The following SHC3 variants were observed in gnomAD, a reference collection of about 807,000 sequenced individuals.
SHC3 encodes SHC-transforming protein 3.
Under a neutral mutation model 60.4 loss-of-function variants are expected in SHC3, and 15 were observed. The observed-to-expected ratio is 0.25, with a 90% confidence interval of 0.17 to 0.38. SHC3 has a LOEUF of 0.38. SHC3 is among the 10% of genes least tolerant of loss of function. SHC3 has a pLI of 1.00. For synonymous variants in SHC3, 294 were observed against 325.9 expected, an observed-to-expected ratio of 0.90 and a Z score of 1.05; for missense variants, 677 against 786.1, an observed-to-expected ratio of 0.86 and a Z score of 1.66.
rs543489813 is a variant in SHC3, at chr9:89,037,307, T to C, written c.1656+686A>G. ...TATTAAATAACTCTACCCTGCTTTG[T>C]TGTTTTCACTGGATAAAAGGTTTTA... is the stretch of plus-strand genomic sequence containing the variant. On this transcript the variant is annotated intron_variant, in intron 11 of 11. Coordinates refer to ENST00000375835, the MANE Select transcript of SHC3 (RefSeq NM_016848.6). 1.6e-5 allele frequency: 9 copies of C among 577,806 alleles called. No homozygotes were observed. In the African/African-American group the frequency reaches 1.7e-4, roughly 11 times the overall value. The allele number at this position is 577,806 out of a possible 1,614,324, so 35.8% of individuals were successfully genotyped here. A position where few individuals can be genotyped will look rare whatever the true frequency, so the allele number is the denominator to read the frequency against.
intron 1 of SHC3, among the ~76,000 whole-genome samples, chr9:89,143,675 C>T (rs1826428322): frequency 2.0e-5 from 3 of 152,144 alleles, no homozygotes; most frequent in Admixed American, 6.5e-5. Context: ...TTTTGTGTTC[C>T]TGAGTCACAG....
At chr9:89,058,557 A>C (rs1005548267) in intron 6 of SHC3, among the ~76,000 whole-genome samples, 5 of 137,918 alleles carry the variant, frequency 3.6e-5, no homozygotes, top group African/African-American at 5.5e-5. Flanking sequence ...GGAGGTGTAC[A>C]TGGTGGAGGA....
intron 1 of SHC3, among the ~76,000 whole-genome samples, chr9:89,176,007 A>G (rs542599852): frequency 6.6e-6 from 1 of 152,364 alleles, no homozygotes; most frequent in South Asian, 2.1e-4. Flanking sequence ...CTTCTCCAGG[A>G]CAGCAGAGGA....
intron 9 of SHC3, 24 bp downstream of exon 9, chr9:89,045,722 C>T (rs774351341): frequency 1.2e-6 from 2 of 1,610,600 alleles, no homozygotes; most frequent in South Asian, 2.2e-5. Flanking sequence ...TTGTGTTTCT[C>T]ACCCATCTCA....
chr9:89,091,608 T>A (rs1026730198), intron 2 of SHC3, among the ~76,000 whole-genome samples: 4 of 152,246 alleles, frequency 2.6e-5, no homozygotes, highest in East Asian at 3.8e-4. Context: ...TTTTTTAATA[T>A]AAAATTTACC....
intron 2 of SHC3, among the ~76,000 whole-genome samples, chr9:89,108,283 T>C (rs1277442605): frequency 6.6e-6 from 1 of 151,220 alleles, no homozygotes; most frequent in Non-Finnish European, 1.5e-5. Flanking sequence ...GAGGCTGAGG[T>C]GAATGGATCA....
chr9:89,076,336 A>G (rs1825358439), intron 3 of SHC3, among the ~76,000 whole-genome samples: 2 of 152,154 alleles, frequency 1.3e-5, no homozygotes, highest in African/African-American at 2.4e-5. Flanking sequence ...AAAGTCCCCA[A>G]GCTCTGAAGA....
chr9:89,112,708 G>A, intron 1 of SHC3, 82 bp from the exon 2 acceptor site: 1 of 1,207,380 alleles, frequency 8.3e-7, no homozygotes, highest in Non-Finnish European at 1.2e-6. Flanking sequence ...GGCATTTTTG[G>A]GAGCCATACA....
chr9:89,113,607 A>G (rs1476175977), intron 1 of SHC3, among the ~76,000 whole-genome samples: 1 of 152,216 alleles, frequency 6.6e-6, no homozygotes, highest in Non-Finnish European at 1.5e-5. Context: ...TACACCCATA[A>G]ATGTGATTAT....
chr9:89,107,690 A>G (rs1293836390), intron 2 of SHC3, among the ~76,000 whole-genome samples: 1 of 152,130 alleles, frequency 6.6e-6, no homozygotes, highest in Non-Finnish European at 1.5e-5. Context: ...TCCAAAAGCT[A>G]GCCATTCTGC....
At chr9:89,174,680 C>T (rs1033573332) in intron 1 of SHC3, among the ~76,000 whole-genome samples, 3 of 152,202 alleles carry the variant, frequency 2.0e-5, no homozygotes, top group African/African-American at 4.8e-5. Context: ...AGAAGGAGCC[C>T]GTCTTTTGGG....
At chr9:89,074,528 G>A (rs561091249) in intron 4 of SHC3, among the ~76,000 whole-genome samples, 6 of 151,958 alleles carry the variant, frequency 3.9e-5, no homozygotes, top group Non-Finnish European at 7.4e-5. Context: ...GTGCAGGAAC[G>A]CAACCATCCT....
rs374946352 is a variant in SHC3, at chr9:89,042,002, A to C, written c.1360+24T>G. 1.7e-5 allele frequency: 28 copies of C among 1,613,456 alleles called. No individual in the cohort carries two copies. The African/African-American group carries it at 3.7e-4, about 22-fold the overall frequency. On this transcript the variant is annotated intron_variant, in intron 10 of 11. Coordinates refer to ENST00000375835, the MANE Select transcript of SHC3 (RefSeq NM_016848.6). Reference sequence around the variant, plus strand: ...AAAAAGCAACCTCAAAAGAAAAGAAAACCAGAGACAAACAGAAACCCACTC... The same window carrying C: ...AAAAAGCAACCTCAAAAGAAAAGAACACCAGAGACAAACAGAAACCCACTC...
chr9:89,103,331 A>G (rs1008873019), intron 2 of SHC3, among the ~76,000 whole-genome samples: 1 of 152,206 alleles, frequency 6.6e-6, no homozygotes, highest in Non-Finnish European at 1.5e-5. Flanking sequence ...ACCAACTCCA[A>G]GCTTTTGAGT....
chr9:89,113,733 A>T (rs1172566196), intron 1 of SHC3, among the ~76,000 whole-genome samples: 2 of 152,204 alleles, frequency 1.3e-5, no homozygotes, highest in African/African-American at 2.4e-5. Flanking sequence ...GAGTTATATG[A>T]CTACCACAAA....
chr9:89,053,213 T>C (rs1564103326), intron 6 of SHC3, among the ~76,000 whole-genome samples: 1 of 152,152 alleles, frequency 6.6e-6, no homozygotes. Context: ...GCTGCCTTCA[T>C]CACACCCCAC....
chr9:89,096,838 C>T (rs1212660276), intron 2 of SHC3, among the ~76,000 whole-genome samples: 1 of 152,092 alleles, frequency 6.6e-6, no homozygotes, highest in African/African-American at 2.4e-5. Flanking sequence ...TCCCAAAGGT[C>T]GACCATGCCA....
At chr9:89,033,222 A>C (rs1824520314) in intron 11 of SHC3, among the ~76,000 whole-genome samples, 1 of 152,190 alleles carries the variant, frequency 6.6e-6, no homozygotes, top group Non-Finnish European at 1.5e-5. Flanking sequence ...ATGTATAATA[A>C]ATATGTTATT....
chr9:89,139,224 C>T (rs1214456920), intron 1 of SHC3, among the ~76,000 whole-genome samples: 2 of 152,116 alleles, frequency 1.3e-5, no homozygotes, highest in East Asian at 3.9e-4. Context: ...GGTTGGTTCA[C>T]AGGAATGAGC....
Sources: allele counts gnomAD v4.1 joint callset (sites outside exome capture counted in the v4.1 genomes callset), GRCh38; gene constraint gnomAD v4.1.1; transcripts MANE v1.5; gene names NCBI Gene and HGNC (gene_info 2026-07-23, HGNC 2026-07-21).